TG: variants seen among roughly 807,000 people sequenced by gnomAD.
The protein encoded by TG is thyroid hormones.
Under a neutral mutation model 324.7 loss-of-function variants are expected in TG, and 270 were observed. The observed-to-expected ratio is 0.83, with a 90% CI of 0.75 to 0.92. The LOEUF is 0.92. TG is among the 40% of genes least tolerant of loss of function. The probability of loss-of-function intolerance (pLI) is 0.00; values close to 1 mark genes in which losing one functional copy is unlikely to be tolerated. For missense variants in TG, 3,591 were observed against 3,456.4 expected (o/e 1.04, Z -0.98); for synonymous variants, 1,401 against 1,327.0 (o/e 1.06, Z -1.21).
chr8:132,906,914 G>A lies in TG; in HGVS notation c.3847+14G>A, dbSNP rs1818769579. 2 of 1,604,816 alleles carry A rather than the reference G, an allele frequency of 1.2e-6. No homozygotes were observed. The highest frequency in any genetic ancestry group is 1.1e-5 in the South Asian group (1 of 89,796). On this transcript the variant is annotated intron_variant, in intron 17 of 47. Coordinates refer to ENST00000220616, the MANE Select transcript of TG (RefSeq NM_003235.5). ...GGGCCTGCCAACGTGAGTGGCATCA[G>A]AGCATCTATCCTGCACCCCGCTCCC...
At chr8:133,002,160 G>A (rs1374649621) in intron 35 of TG, 17 of 985,286 alleles carry the variant, frequency 1.7e-5, no homozygotes, top group Non-Finnish European at 2.0e-5. Context: ...AAAAATGCTT[G>A]GAGGCACTTT....
intron 29 of TG, chr8:132,964,838 T>C (rs1382123942): frequency 4.3e-6 from 3 of 698,204 alleles, no homozygotes; most frequent in Admixed American, 4.1e-5. Context: ...CAGGTGTCGG[T>C]TGCAGTGAGA....
intron 27 of TG, among the ~76,000 whole-genome samples, 156 bp downstream of exon 27, chr8:132,949,099 C>T (rs552464444): frequency 6.6e-6 from 1 of 152,176 alleles, no homozygotes; most frequent in African/African-American, 2.4e-5. Flanking sequence ...TGGAAACAAC[C>T]CTAGCTTTTC....
At chr8:133,034,121 A>T (rs905605231) in intron 41 of TG, among the ~76,000 whole-genome samples, 1 of 152,200 alleles carries the variant, frequency 6.6e-6, no homozygotes, top group Non-Finnish European at 1.5e-5. Context: ...TGATGCTTCT[A>T]CATGTATTTT....
In TG at chr8:132,968,067, A is replaced by G; in HGVS notation, c.5863+97A>G. ...CACATTAGTTTCTTATTTAAAAAAC[A>G]TTTTCTTTATACTTTTATTGGTTTC... On this transcript the variant is annotated intron_variant, in intron 31 of 47. Transcript: ENST00000220616. 4 of 1,406,532 alleles carry G rather than the reference A, an allele frequency of 2.8e-6. No individual in the cohort carries two copies. In the South Asian group the frequency reaches 3.7e-5, roughly 13 times the overall value. The allele number at this position is 1,406,532 out of a possible 1,614,324, so 87.1% of individuals were successfully genotyped here. A position where few individuals can be genotyped will look rare whatever the true frequency, so the allele number is the denominator to read the frequency against.
chr8:132,933,640 G>A lies in TG; in HGVS notation c.4896G>A (p.Trp1632Ter). The A allele has an allele frequency of 6.2e-7, 1 of 1,614,150 alleles. No homozygotes were observed. Among genetic ancestry groups the A allele is most frequent in the Non-Finnish European group, 8.5e-7 (1 of 1,180,026 alleles). Residue 1632 changes from tryptophan (W) to a stop codon, truncating the protein, a stop_gained, in exon 24 of 48, where the codon TGG becomes TGA. Transcript: ENST00000220616. LOFTEE classifies it high-confidence loss of function. ...AGATTTCCTGTGATTTCTATGCTTGGACAAGTGACAATGTTGCCTGCATGA... is the reference window on the plus strand; with the variant it reads ...AGATTTCCTGTGATTTCTATGCTTGAACAAGTGACAATGTTGCCTGCATGA... ...EPEISCDFYA[W>*]TSDNVACMTS...
chr8:133,054,711 T>C (rs1841042192), intron 41 of TG, among the ~76,000 whole-genome samples: 1 of 152,164 alleles, frequency 6.6e-6, no homozygotes, highest in Admixed American at 6.5e-5. Flanking sequence ...AAGATGAAAT[T>C]CAAAAGACCA....
chr8:133,119,509 G>A (rs1172452933), intron 45 of TG, among the ~76,000 whole-genome samples: 1 of 152,204 alleles, frequency 6.6e-6, no homozygotes, highest in Non-Finnish European at 1.5e-5. Context: ...CTCGCTGACT[G>A]CTTCACAGGT....
intron 27 of TG, among the ~76,000 whole-genome samples, chr8:132,959,134 G>A (rs12679617): frequency 0.27 from 40,426 of 152,138 alleles, 6,481 homozygotes; most frequent in East Asian, 0.48. Context: ...AAATGAAAGT[G>A]CAACTCAGTC....
intron 41 of TG, among the ~76,000 whole-genome samples, chr8:133,033,139 A>C (rs555095812): frequency 2.0e-5 from 3 of 152,284 alleles, no homozygotes; most frequent in Non-Finnish European, 4.4e-5. Context: ...TGGAGAAAAC[A>C]CTTCACCTTG....
Position 132,913,126 on chromosome 8 carries a change from C to T in TG, c.4239C>T (p.Asp1413=), listed in dbSNP as rs375382546. The change falls in exon 20 of 48, where the codon GAC becomes GAT. Residue 1413 remains aspartate, a synonymous_variant. Transcript: ENST00000220616. ...GTGGCTCATTCCAGCTTCATCTGGA[C>T]TCCAAGACGTTCCCAGCGGAAACCA... The part of the protein sequence containing the change: ...IQSGSFQLHL[D]SKTFPAETIR... 14 of 1,614,096 alleles carry T rather than the reference C, an allele frequency of 8.7e-6. No individual in the cohort carries two copies. The highest frequency in any genetic ancestry group is 1.2e-5 in the Non-Finnish European group (14 of 1,180,042).
intron 43 of TG, among the ~76,000 whole-genome samples, chr8:133,097,833 A>G (rs1183105341): frequency 6.6e-6 from 1 of 152,140 alleles, no homozygotes; most frequent in Non-Finnish European, 1.5e-5. Flanking sequence ...GTATGTAGAG[A>G]GAGAGAAAGA....
At chr8:132,912,430 A>G (rs1819665141) in intron 19 of TG, among the ~76,000 whole-genome samples, 1 of 152,070 alleles carries the variant, frequency 6.6e-6, no homozygotes, top group African/African-American at 2.4e-5. Flanking sequence ...GTTACAGCCA[A>G]AATGTTTGCT....
rs772782285 is a variant in TG at position 133,134,731 on chromosome 8, A to G, written c.8244A>G (p.Gly2748=). The change falls in exon 48 of 48, where the codon GGA becomes GGG. Residue 2748 remains glycine, a synonymous_variant. Transcript: ENST00000220616. The stretch of plus-strand genomic sequence containing the variant: ...GTGAAGAGGAGGAGTTGACGGCTGG[A>G]TCTGGGCTAAGAGAAGATCTCCTAA... ...AESEEEELTA[G]SGLREDLLSL... is the part of the protein sequence containing the mutation. 1 of 1,614,116 alleles carries G rather than the reference A, an allele frequency of 6.2e-7. No homozygotes were observed. The highest frequency in any genetic ancestry group is 8.5e-7 in the Non-Finnish European group (1 of 1,180,002).
intron 43 of TG, among the ~76,000 whole-genome samples, chr8:133,109,732 G>A (rs529353480): frequency 3.9e-5 from 6 of 152,282 alleles, no homozygotes; most frequent in East Asian, 3.9e-4. Flanking sequence ...CATCTGACAC[G>A]CAATGGGTGC....
At chr8:132,934,751 C>T (rs899813336) in intron 24 of TG, among the ~76,000 whole-genome samples, 1 of 152,204 alleles carries the variant, frequency 6.6e-6, no homozygotes. Flanking sequence ...AATTTGGCAG[C>T]CTTGCGGGGG....
intron 35 of TG, among the ~76,000 whole-genome samples, chr8:132,991,813 G>T (rs1467176517): frequency 6.6e-6 from 1 of 152,112 alleles, no homozygotes; most frequent in Non-Finnish European, 1.5e-5. Context: ...AATGTGTGAG[G>T]CTGAGTATGG....
intron 41 of TG, among the ~76,000 whole-genome samples, chr8:133,032,558 G>T (rs1836735542): frequency 6.6e-6 from 1 of 152,192 alleles, no homozygotes; most frequent in African/African-American, 2.4e-5. Flanking sequence ...TTAGTCATTT[G>T]GAAGTAGCTT....
At chr8:133,053,310 G>C (rs1428003573) in intron 41 of TG, among the ~76,000 whole-genome samples, 2 of 152,206 alleles carry the variant, frequency 1.3e-5, no homozygotes, top group Non-Finnish European at 2.9e-5. Context: ...ACCCCCGGCT[G>C]TGAGTTCCGG....
Sources: allele counts gnomAD v4.1 joint callset (sites outside exome capture counted in the v4.1 genomes callset), GRCh38; gene constraint gnomAD v4.1.1; transcripts MANE v1.5; gene names NCBI Gene and HGNC (gene_info 2026-07-23, HGNC 2026-07-21).